Variants in PM20D2 observed in about 807,000 individuals in gnomAD.
PM20D2 encodes xaa-Arg dipeptidase.
PM20D2 carries 33 observed loss-of-function variants against 42.9 expected under a neutral mutation model. That is an observed-to-expected ratio of 0.77 (90% confidence interval 0.58 to 1.03). The LOEUF is 1.03. PM20D2 is among the 50% of genes least tolerant of loss of function. The probability of loss-of-function intolerance (pLI) is 0.00; values close to 1 mark genes in which losing one functional copy is unlikely to be tolerated. For missense variants in PM20D2, 548 were observed against 557.0 expected (o/e 0.98, Z 0.16); for synonymous variants, 250 against 228.2 (o/e 1.10, Z -0.86).
rs1771382172 is a variant in PM20D2 at position 89,165,274 on chromosome 6, T to C, written c.*3011T>C. Reference sequence around the variant, plus strand: ...GTCTTTTGGAAAATACCCTACACAATACTAACCTTTAAAACTATCAAATTT... The same window carrying C: ...GTCTTTTGGAAAATACCCTACACAACACTAACCTTTAAAACTATCAAATTT... On this transcript the variant is annotated 3_prime_UTR_variant, in exon 7 of 7. Transcript: ENST00000275072. 6.6e-6 allele frequency: 1 copy of C among 152,172 alleles called. No homozygotes were observed. Among genetic ancestry groups the C allele is most frequent in the South Asian group, 2.1e-4 (1 of 4,832 alleles). The allele number at this position is 152,172 out of a possible 1,614,324, so 9.4% of individuals were successfully genotyped here. A position where few individuals can be genotyped will look rare whatever the true frequency, so the allele number is the denominator to read the frequency against.
the PM20D2 span, among the ~76,000 whole-genome samples, chr6:89,113,027 T>G: frequency 6.6e-6 from 1 of 152,244 alleles, no homozygotes; most frequent in Non-Finnish European, 1.5e-5. Context: ...TAGCTGGCTT[T>G]ACTGTGTAGT....
chr6:89,108,000 A>G, the PM20D2 span, among the ~76,000 whole-genome samples: 3 of 152,214 alleles, frequency 2.0e-5, no homozygotes, highest in African/African-American at 7.2e-5. Flanking sequence ...TCTTGTTTTC[A>G]GATAGCAAGA....
At chr6:89,139,192 C>T in the PM20D2 span, among the ~76,000 whole-genome samples, 1 of 152,016 alleles carries the variant, frequency 6.6e-6, no homozygotes, top group East Asian at 1.9e-4. Flanking sequence ...GTTGATCCTC[C>T]CTAATAGATA....
the PM20D2 span, among the ~76,000 whole-genome samples, chr6:89,095,551 G>C: frequency 2.4e-3 from 359 of 152,294 alleles, 4 homozygotes; most frequent in African/African-American, 7.9e-3. Context: ...GACTAATTTT[G>C]CCTCTGGCAA....
At position 89,154,730 on chromosome 6, in the gene PM20D2, A is replaced by T; in HGVS notation, c.758-18A>T. On this transcript the variant is annotated intron_variant, in intron 3 of 6. Coordinates refer to ENST00000275072, the MANE Select transcript of PM20D2 (RefSeq NM_001010853.3). The stretch of plus-strand genomic sequence containing the variant: ...ATGGTCACCAAGCTTAATTCTAGTA[A>T]TTTGGTTCTTTTTATAGGTATAATA... 6.8e-7 allele frequency: 1 copy of T among 1,472,980 alleles called. No individual in the cohort carries two copies. The highest frequency in any genetic ancestry group is 9.1e-7 in the Non-Finnish European group (1 of 1,099,548). 91.2% of individuals were successfully genotyped at this position (1,472,980 alleles called of 1,614,324 possible). A position where few individuals can be genotyped will look rare whatever the true frequency, so the allele number is the denominator to read the frequency against.
chr6:89,130,819 C>CTTTTTTTTTTTTT, the PM20D2 span, among the ~76,000 whole-genome samples: 21 of 24,058 alleles, frequency 8.7e-4, 1 homozygote, highest in African/African-American at 2.6e-3. Context: ...GCTTCTTCTT[C>CTTTTTTTTTTTTT]TTTTTTTTTT....
In PM20D2 at chr6:89,165,545, A is replaced by G. The variant is rs1771389507; in HGVS notation, c.*3282A>G. On this transcript the variant is annotated 3_prime_UTR_variant, in exon 7 of 7. Coordinates refer to ENST00000275072, the MANE Select transcript of PM20D2 (RefSeq NM_001010853.3). The stretch of plus-strand genomic sequence containing the variant: ...CATAAAATGTGTATGAAAAATCTAC[A>G]ATAAACATGTTTATCTGATAGCAAT... The G allele has an allele frequency of 6.6e-6, 1 of 152,186 alleles. No homozygotes were observed. The highest frequency in any genetic ancestry group is 2.4e-5 in the African/African-American group (1 of 41,444). 9.4% of individuals were successfully genotyped at this position (152,186 alleles called of 1,614,324 possible).
At chr6:89,149,192 T>C (rs1269279906) in intron 1 of PM20D2, 73 bp from the exon 2 acceptor site, 12 of 1,520,450 alleles carry the variant, frequency 7.9e-6, no homozygotes, top group African/African-American at 5.6e-5. Context: ...TGAATACATA[T>C]GCAGGTGAAC....
chr6:89,119,717 T>C, the PM20D2 span, among the ~76,000 whole-genome samples: 2 of 152,210 alleles, frequency 1.3e-5, no homozygotes. Flanking sequence ...TTTCTTCCAG[T>C]CTTTGGTGGC....
At chr6:89,126,403 A>T in the PM20D2 span, among the ~76,000 whole-genome samples, 13 of 141,998 alleles carry the variant, frequency 9.2e-5, no homozygotes, top group Admixed American at 2.1e-4. Flanking sequence ...TAAAAAAAAA[A>T]GGCCTGGCAT....
chr6:89,158,241 T>C (rs1254889517), intron 4 of PM20D2, 84 bp from the exon 5 acceptor site: 1 of 1,245,370 alleles, frequency 8.0e-7, no homozygotes. Flanking sequence ...AACCTCTTCC[T>C]ATTAGAGAAC....
At chr6:89,141,029 C>T in the PM20D2 span, among the ~76,000 whole-genome samples, 147 of 152,170 alleles carry the variant, frequency 9.7e-4, 1 homozygote, top group Admixed American at 8.4e-3. Flanking sequence ...TTTAATTCCC[C>T]TCTGGGTATA....
At chr6:89,128,173 A>G in the PM20D2 span, among the ~76,000 whole-genome samples, 3 of 152,224 alleles carry the variant, frequency 2.0e-5, no homozygotes, top group Non-Finnish European at 4.4e-5. Flanking sequence ...ATAAATGGAC[A>G]TGCAAGTAGG....
At chr6:89,109,489 G>T in the PM20D2 span, among the ~76,000 whole-genome samples, 917 of 152,324 alleles carry the variant, frequency 6.0e-3, 9 homozygotes, top group African/African-American at 0.021. Context: ...CAGTAGTAGA[G>T]CTAGGATTCA....
At chr6:89,095,379 A>AT in the PM20D2 span, among the ~76,000 whole-genome samples, 3 of 151,808 alleles carry the variant, frequency 2.0e-5, no homozygotes, top group East Asian at 1.9e-4. Context: ...CGCCCGGCTA[A>AT]TTTTTTTTGG....
At chr6:89,099,043 G>T in the PM20D2 span, 2 of 1,384,036 alleles carry the variant, frequency 1.4e-6, no homozygotes, top group African/African-American at 1.5e-5. Context: ...CATAACATTA[G>T]TTATATTTTT....
At chr6:89,130,819 C>CTTTTTTTTTTTTTTTTTTT in the PM20D2 span, among the ~76,000 whole-genome samples, 9 of 24,056 alleles carry the variant, frequency 3.7e-4, 2 homozygotes, top group African/African-American at 8.6e-4. Flanking sequence ...GCTTCTTCTT[C>CTTTTTTTTTTTTTTTTTTT]TTTTTTTTTT....
the PM20D2 span, among the ~76,000 whole-genome samples, chr6:89,112,141 G>A: frequency 6.6e-5 from 10 of 151,980 alleles, no homozygotes; most frequent in African/African-American, 2.4e-4. Flanking sequence ...CCGAGTAGCT[G>A]GGATCCTCAG....
At chr6:89,138,856 C>A in the PM20D2 span, among the ~76,000 whole-genome samples, 6 of 152,084 alleles carry the variant, frequency 3.9e-5, no homozygotes, top group East Asian at 5.8e-4. Context: ...CAGTGTGAGA[C>A]TCTGTCTTAG....
Sources: allele counts gnomAD v4.1 joint callset (sites outside exome capture counted in the v4.1 genomes callset), GRCh38; gene constraint gnomAD v4.1.1; transcripts MANE v1.5; gene names NCBI Gene and HGNC (gene_info 2026-07-23, HGNC 2026-07-21).